MAGI2: variants seen among roughly 807,000 people sequenced by gnomAD.
MAGI2 encodes the protein membrane associated guanylate kinase, WW and PDZ domain containing 2, also known as membrane-associated guanylate kinase, WW and PDZ domain-containing protein 2.
In MAGI2, 35 loss-of-function variants were observed where a neutral mutation model predicts 133.3. The observed-to-expected ratio is 0.26, with a 90% CI of 0.20 to 0.35. The LOEUF (loss-of-function observed/expected upper bound fraction) is 0.35. Ranked by LOEUF, MAGI2 falls within the 10% of genes least tolerant of loss-of-function variation. The pLI, the probability that MAGI2 is intolerant of heterozygous loss-of-function variation, is 1.00. For synonymous variants in MAGI2, 729 were observed against 710.6 expected (o/e 1.03, Z -0.41); for missense variants, 1,636 against 1,863.4 (o/e 0.88, Z 2.25).
chr7:79,239,854 C>T (rs1832248278), intron 1 of MAGI2, among the ~76,000 whole-genome samples: 2 of 152,194 alleles, frequency 1.3e-5, no homozygotes, highest in African/African-American at 2.4e-5. Context: ...TCAATCGCAG[C>T]TTTATCCTTT....
At chr7:78,315,254 A>G (rs1483160838) in intron 9 of MAGI2, among the ~76,000 whole-genome samples, 1 of 152,160 alleles carries the variant, frequency 6.6e-6, no homozygotes, top group African/African-American at 2.4e-5. Flanking sequence ...GTATTAAGTG[A>G]GAGACATCAC....
chr7:78,216,511 C>T (rs1459117991), intron 10 of MAGI2, among the ~76,000 whole-genome samples: 2 of 152,236 alleles, frequency 1.3e-5, no homozygotes, highest in African/African-American at 4.8e-5. Context: ...TCTAGCCTCA[C>T]CTCGCTCTGG....
At position 78,448,583 on chromosome 7, in the gene MAGI2, C is replaced by A. The variant is rs186589622; in HGVS notation, c.1045+41178G>T. On this transcript the variant is annotated intron_variant, in intron 6 of 21. Coordinates refer to ENST00000354212, the MANE Select transcript of MAGI2 (RefSeq NM_012301.4). Reference sequence around the variant, plus strand: ...TATTCCAGCCCACATTCAAATAGGTCATGAGATATTTGGACTTAGCTTTCA... The same window carrying A: ...TATTCCAGCCCACATTCAAATAGGTAATGAGATATTTGGACTTAGCTTTCA... Among the ~76,000 whole-genome samples the A allele has an allele frequency of 1.4e-4, 21 of 152,160 alleles. No homozygotes were observed. In the East Asian group the frequency reaches 3.9e-3, roughly 28 times the overall value.
At chr7:78,312,263 A>G (rs1165172752) in intron 9 of MAGI2, among the ~76,000 whole-genome samples, 1 of 152,138 alleles carries the variant, frequency 6.6e-6, no homozygotes, top group Non-Finnish European at 1.5e-5. Flanking sequence ...ATATAGTAAC[A>G]TTTAATTTAA....
At chr7:78,243,200 C>G (rs1791341183) in intron 10 of MAGI2, among the ~76,000 whole-genome samples, 1 of 149,828 alleles carries the variant, frequency 6.7e-6, no homozygotes, top group African/African-American at 2.5e-5. Context: ...ATGATATATG[C>G]AACCTACCCT....
intron 10 of MAGI2, chr7:78,253,323 C>A (rs975812418): frequency 3.9e-5 from 6 of 152,122 alleles, no homozygotes; most frequent in African/African-American, 1.2e-4. Flanking sequence ...CTGTATGATT[C>A]CATTTATGAA....
intron 1 of MAGI2, among the ~76,000 whole-genome samples, chr7:79,399,095 C>CTTTTCTTTT (rs1554471827): frequency 9.4e-6 from 1 of 106,300 alleles, no homozygotes; most frequent in African/African-American, 4.0e-5. Context: ...TTTTTCTTTT[C>CTTTTCTTTT]TTTTTTTTTT....
chr7:78,958,943 C>A (rs1196917185), intron 2 of MAGI2, among the ~76,000 whole-genome samples: 4 of 152,116 alleles, frequency 2.6e-5, no homozygotes, highest in African/African-American at 7.2e-5. Context: ...CTCTTTTACA[C>A]AAGAAAATTC....
Position 78,634,710 on chromosome 7 carries a change from G to A in MAGI2, c.419-7471C>T, listed in dbSNP as rs1407527943. On this transcript the variant is annotated intron_variant, in intron 2 of 21. Transcript: ENST00000354212. Reference sequence around the variant, plus strand: ...CTCAAAAGATGATGAATAGTTGACAGCAAAGCAAGACTCAACAGTAATAAC... The same window carrying A: ...CTCAAAAGATGATGAATAGTTGACAACAAAGCAAGACTCAACAGTAATAAC... Among the ~76,000 whole-genome samples, 3 of 152,124 alleles carry A rather than the reference G, an allele frequency of 2.0e-5. No homozygotes were observed. The East Asian group carries it at 5.8e-4, about 29-fold the overall frequency.
intron 2 of MAGI2, among the ~76,000 whole-genome samples, chr7:79,003,117 G>A (rs549081911): frequency 2.8e-4 from 42 of 152,030 alleles, no homozygotes; most frequent in Middle Eastern, 6.8e-3. Context: ...GCAGGAAACA[G>A]GCTTCCTACC....
At chr7:79,034,725 T>TGTGAAAAATCCAATACCGACCA (rs1554338043) in intron 1 of MAGI2, among the ~76,000 whole-genome samples, 2 of 151,758 alleles carry the variant, frequency 1.3e-5, no homozygotes, top group Non-Finnish European at 2.9e-5. Flanking sequence ...AGCAGGCAAA[T>TGTGAAAAATCCAATACCGACCA]GTGAAAAATC....
intron 1 of MAGI2, among the ~76,000 whole-genome samples, chr7:79,079,087 A>T (rs898643667): frequency 2.0e-5 from 3 of 152,102 alleles, no homozygotes; most frequent in South Asian, 2.1e-4. Context: ...TCCCAATCTC[A>T]ATTCCCCATT....
At chr7:78,326,800 T>A (rs1788634011) in intron 9 of MAGI2, among the ~76,000 whole-genome samples, 1 of 152,194 alleles carries the variant, frequency 6.6e-6, no homozygotes, top group Non-Finnish European at 1.5e-5. Flanking sequence ...AACACCAAAC[T>A]TGATTTAAAT....
chr7:79,050,034 T>C (rs1301618579), intron 1 of MAGI2, among the ~76,000 whole-genome samples: 1 of 152,208 alleles, frequency 6.6e-6, no homozygotes, highest in Non-Finnish European at 1.5e-5. Context: ...ACATTTTGTT[T>C]TTGACCATGA....
At chr7:79,006,937 T>A in intron 2 of MAGI2, 153 bp downstream of exon 2, 1 of 547,448 alleles carries the variant, frequency 1.8e-6, no homozygotes, top group South Asian at 2.8e-5. Flanking sequence ...TTATAAGCAT[T>A]TGCACTTAAA....
intron 1 of MAGI2, among the ~76,000 whole-genome samples, chr7:79,152,929 T>C (rs202206702): frequency 5.3e-4 from 80 of 152,354 alleles, no homozygotes; most frequent in East Asian, 2.7e-3. Flanking sequence ...CAATGATTTG[T>C]AATTTTTAAA....
chr7:78,877,593 G>A (rs897523202), intron 2 of MAGI2, among the ~76,000 whole-genome samples: 1 of 152,148 alleles, frequency 6.6e-6, no homozygotes, highest in African/African-American at 2.4e-5. Flanking sequence ...GTAGTCAAAG[G>A]CACTGCTATT....
At chr7:78,883,492 C>CG (rs1440820861) in intron 2 of MAGI2, among the ~76,000 whole-genome samples, 5 of 152,042 alleles carry the variant, frequency 3.3e-5, no homozygotes, top group African/African-American at 9.7e-5. Flanking sequence ...CTACCAATGC[C>CG]ATTTTTTACA....
chr7:78,904,653 T>C (rs1012670774), intron 2 of MAGI2, among the ~76,000 whole-genome samples: 3 of 151,726 alleles, frequency 2.0e-5, no homozygotes, highest in African/African-American at 7.3e-5. Context: ...CAGACATGTG[T>C]CAACACGCCC....
Sources: gnomAD v4.1 joint callset for allele counts (sites outside exome capture counted in the v4.1 genomes callset) on GRCh38, gnomAD v4.1.1 for gene constraint, MANE v1.5 for transcripts, NCBI Gene and HGNC (gene_info 2026-07-23, HGNC 2026-07-21) for gene names.